The following ZNF461 variants were observed in gnomAD, a reference collection of about 807,000 sequenced individuals.
The protein encoded by ZNF461 is gonadotropin-inducible ovarian transcription factor-1.
ZNF461 carries 16 observed loss-of-function variants against 18.3 expected under a neutral mutation model. The ratio of observed to expected loss-of-function variants is 0.88; its 90% confidence interval spans 0.59 to 1.33. The LOEUF (loss-of-function observed/expected upper bound fraction) is 1.33, where lower values mean the gene tolerates loss of function less well. ZNF461 is among the 40% of genes most tolerant of loss of function. The pLI is 0.00. For synonymous variants in ZNF461, 179 were observed against 216.9 expected (o/e 0.83, Z 1.54); for missense variants, 595 against 669.9 (o/e 0.89, Z 1.23).
chr19:36,642,081 C>T (rs376338567), intron 5 of ZNF461, among the ~76,000 whole-genome samples: 1 of 152,108 alleles, frequency 6.6e-6, no homozygotes, highest in African/African-American at 2.4e-5. Context: ...GGGTGTGCCA[C>T]TATGCCCTGC....
At chr19:36,663,716 G>A (rs570194264) in intron 2 of ZNF461, among the ~76,000 whole-genome samples, 1 of 151,724 alleles carries the variant, frequency 6.6e-6, no homozygotes, top group South Asian at 2.1e-4. Context: ...TTTTTGTAGA[G>A]GTGGAGTTTT....
chr19:36,640,120 GATA>G (rs2037398860), intron 5 of ZNF461, 77 bp from the exon 6 acceptor site: 3 of 1,220,582 alleles, frequency 2.5e-6, no homozygotes, highest in Non-Finnish European at 3.4e-6. Context: ...AGCAATGAGA[GATA>G]ACTGCAAATA....
chr19:36,638,535 A>T lies in ZNF461; in HGVS notation c.*118T>A. The T allele has an allele frequency of 1.2e-6, 1 of 817,218 alleles. No individual in the cohort carries two copies. Among genetic ancestry groups the T allele is most frequent in the Non-Finnish European group, 1.8e-6 (1 of 553,804 alleles). The allele number at this position is 817,218 out of a possible 1,614,324, so 50.6% of individuals were successfully genotyped here. A position where few individuals can be genotyped will look rare whatever the true frequency, so the allele number is the denominator to read the frequency against. ...TTACACTTTAGTTATCCACTTTCTC[A>T]CTTAAAAACATTTGATTTTCAAGGA... On this transcript the variant is annotated 3_prime_UTR_variant, in exon 6 of 6. Transcript: ENST00000588268.
At position 36,639,505 on chromosome 19, in the gene ZNF461, C is replaced by T. The variant is rs763778220; in HGVS notation, c.840G>A (p.Lys280=). The T allele has an allele frequency of 2.5e-6, 4 of 1,613,706 alleles. No homozygotes were observed. The South Asian group carries it at 3.3e-5, about 13-fold the overall frequency. The change falls in exon 6 of 6, where the codon AAG becomes AAA. Residue 280 remains lysine, a synonymous_variant. Transcript: ENST00000588268. Reference sequence around the variant, plus strand: ...TAAGTTCTGAGCCATAATTAAAGGCCTTCCCACATTCGTTACATTCATAGC... The same window carrying T: ...TAAGTTCTGAGCCATAATTAAAGGCTTTCCCACATTCGTTACATTCATAGC... ...EKRYECNECG[K]AFNYGSELTL...
At chr19:36,660,822 T>C (rs941158523) in intron 2 of ZNF461, among the ~76,000 whole-genome samples, 2 of 151,928 alleles carry the variant, frequency 1.3e-5, no homozygotes, top group African/African-American at 2.4e-5. Flanking sequence ...CTTCAGTCTA[T>C]ATAGAAGAAT....
intron 4 of ZNF461, among the ~76,000 whole-genome samples, chr19:36,650,853 C>T (rs989639313): frequency 3.1e-5 from 4 of 127,756 alleles, no homozygotes; most frequent in South Asian, 2.4e-4. Context: ...CACATCAATA[C>T]TCATTCATAT....
intron 4 of ZNF461, among the ~76,000 whole-genome samples, chr19:36,648,967 G>A (rs2037577963): frequency 6.6e-6 from 1 of 152,156 alleles, no homozygotes; most frequent in Admixed American, 6.6e-5. Flanking sequence ...AGCACAAGAA[G>A]TATGGAGCAG....
intron 5 of ZNF461, 58 bp downstream of exon 5, chr19:36,643,736 T>C (rs956726002): frequency 6.3e-6 from 9 of 1,436,372 alleles, no homozygotes; most frequent in Middle Eastern, 1.8e-4. Flanking sequence ...TTTCAGAAAT[T>C]AGCTGACTTT....
At chr19:36,652,301 G>A (rs1350592607) in intron 4 of ZNF461, among the ~76,000 whole-genome samples, 1 of 151,318 alleles carries the variant, frequency 6.6e-6, no homozygotes, top group Non-Finnish European at 1.5e-5. Context: ...AGACCAGCCT[G>A]GCCAACATGG....
At chr19:36,651,840 A>C (rs1252380891) in intron 4 of ZNF461, among the ~76,000 whole-genome samples, 1 of 152,216 alleles carries the variant, frequency 6.6e-6, no homozygotes, top group Non-Finnish European at 1.5e-5. Flanking sequence ...TAAAACTTAT[A>C]TGGAAAGAAA....
At chr19:36,646,968 T>C (rs899032995) in intron 4 of ZNF461, among the ~76,000 whole-genome samples, 2 of 152,142 alleles carry the variant, frequency 1.3e-5, no homozygotes, top group African/African-American at 4.8e-5. Flanking sequence ...TTCTCAATAG[T>C]TTTTAAGAAT....
Position 36,639,044 on chromosome 19 carries a change from A to G in ZNF461, c.1301T>C (p.Ile434Thr). The change falls in exon 6 of 6, where the codon ATT (isoleucine) becomes ACT (threonine). Residue 434 changes from isoleucine to threonine, a missense_variant. Transcript: ENST00000588268. ...CTCATAGGGTTTCTCACCAGTATGA[A>G]TCCTCTGATGTAGGGTTAGTTGTAA... ...DGLQLTLHQRIHTGEKPYECK... is the reference protein window; with the variant it reads ...DGLQLTLHQRTHTGEKPYECK... 6.2e-7 allele frequency: 1 copy of G among 1,614,036 alleles called. No individual in the cohort carries two copies. Among genetic ancestry groups the G allele is most frequent in the Non-Finnish European group, 8.5e-7 (1 of 1,180,008 alleles).
intron 4 of ZNF461, among the ~76,000 whole-genome samples, chr19:36,649,180 C>T (rs2037581565): frequency 6.6e-6 from 1 of 152,002 alleles, no homozygotes; most frequent in South Asian, 2.1e-4. Context: ...ACCAAGAAAA[C>T]CAAAATCTGA....
intron 5 of ZNF461, among the ~76,000 whole-genome samples, chr19:36,641,280 G>A (rs1191488157): frequency 6.6e-6 from 1 of 152,070 alleles, no homozygotes; most frequent in African/African-American, 2.4e-5. Context: ...AGAACTTTGG[G>A]AGACCTAGGC....
In ZNF461 at chr19:36,639,143, G is replaced by A; in HGVS notation, c.1202C>T (p.Ser401Leu). Residue 401 changes from serine (S) to leucine (L), a missense_variant, in exon 6 of 6, where the codon TCA becomes TTA. Ser to Leu is a moderately radical substitution (Grantham distance 145, BLOSUM62 -2). Coordinates refer to ENST00000588268, the MANE Select transcript of ZNF461 (RefSeq NM_153257.5). ...GKAFSYHSSF[S>L]HHQKIHSGKK... ...GCCAGAATGAATTTTCTGATGGTGT[G>A]AGAAGCTTGAGTGATAGCTAAAGGC... The A allele has an allele frequency of 6.2e-7, 1 of 1,613,338 alleles. No individual in the cohort carries two copies. Among genetic ancestry groups the A allele is most frequent in the Non-Finnish European group, 8.5e-7 (1 of 1,179,840 alleles).
intron 4 of ZNF461, among the ~76,000 whole-genome samples, chr19:36,651,163 G>A (rs1484594851): frequency 6.6e-6 from 1 of 150,936 alleles, no homozygotes; most frequent in Non-Finnish European, 1.5e-5. Context: ...CCTGGGAGGC[G>A]GAGCTTGCAG....
chr19:36,644,660 A>G (rs547073213), intron 4 of ZNF461, among the ~76,000 whole-genome samples: 4 of 151,524 alleles, frequency 2.6e-5, no homozygotes, highest in Admixed American at 2.6e-4. Flanking sequence ...CGGTGGCGCA[A>G]TCTCGGCTCA....
intron 5 of ZNF461, among the ~76,000 whole-genome samples, chr19:36,640,786 A>G (rs1470514140): frequency 1.3e-5 from 2 of 152,214 alleles, no homozygotes; most frequent in Non-Finnish European, 2.9e-5. Flanking sequence ...TGGGTTATAG[A>G]CATTGTATCA....
intron 2 of ZNF461, among the ~76,000 whole-genome samples, chr19:36,660,873 A>C (rs2037806899): frequency 6.6e-6 from 1 of 152,154 alleles, no homozygotes; most frequent in Non-Finnish European, 1.5e-5. Context: ...TAAATACATA[A>C]GCTACTCTTT....
Sources: gnomAD v4.1 joint callset for allele counts (sites outside exome capture counted in the v4.1 genomes callset) on GRCh38, gnomAD v4.1.1 for gene constraint, MANE v1.5 for transcripts, NCBI Gene and HGNC (gene_info 2026-07-23, HGNC 2026-07-21) for gene names.